Variants in TAF1B observed in about 807,000 individuals in gnomAD.
TAF1B encodes the protein TATA box-binding protein-associated factor RNA polymerase I subunit B.
A neutral mutation model predicts 83.9 loss-of-function variants in TAF1B; 61 were observed. The ratio of observed to expected loss-of-function variants is 0.73; its 90% CI spans 0.59 to 0.90. The LOEUF is 0.90. Among genes scored for constraint, TAF1B ranks in the 40% least tolerant of loss-of-function variants. The probability of loss-of-function intolerance (pLI) is 0.00; values close to 1 mark genes in which losing one functional copy is unlikely to be tolerated. For missense variants in TAF1B, 625 were observed against 677.0 expected, an observed-to-expected ratio of 0.92 and a Z score of 0.85; for synonymous variants, 221 against 224.6, an observed-to-expected ratio of 0.98 and a Z score of 0.14.
At chr2:9,901,088 CAT>C (rs758638903) in intron 8 of TAF1B, among the ~76,000 whole-genome samples, 90 of 151,960 alleles carry the variant, frequency 5.9e-4, no homozygotes, top group African/African-American at 2.2e-3. Context: ...ATGTTGCTAA[CAT>C]ATATTCATCA....
At chr2:9,931,079 T>G (rs1015641568) in intron 14 of TAF1B, among the ~76,000 whole-genome samples, 2 of 152,186 alleles carry the variant, frequency 1.3e-5, no homozygotes. Context: ...GTGAGATGGG[T>G]CTCCTGAATA....
chr2:9,893,512 C>G (rs1367277973), intron 8 of TAF1B, among the ~76,000 whole-genome samples: 4 of 152,126 alleles, frequency 2.6e-5, no homozygotes, highest in African/African-American at 7.2e-5. Context: ...ACCTAAGAAA[C>G]ATTATATAGA....
At chr2:9,847,533 G>A (rs185499409) in intron 2 of TAF1B, among the ~76,000 whole-genome samples, 111 of 152,122 alleles carry the variant, frequency 7.3e-4, no homozygotes, top group African/African-American at 2.6e-3. Context: ...CCCTTTTATT[G>A]CCCCCTCTTC....
intron 11 of TAF1B, 57 bp downstream of exon 11, chr2:9,911,614 A>G: frequency 7.9e-7 from 1 of 1,260,574 alleles, no homozygotes; most frequent in Non-Finnish European, 1.1e-6. Flanking sequence ...AGATTAAAAG[A>G]TGGAATAAAT....
rs1373754601 is a variant in TAF1B, at chr2:9,928,579, C to CT, written c.1566-5202dup. ...CTCCTTGAAGAGATCCTTCACATCC[C>CT]TTGTAAGTTGGATTCCTAGGTATTT... On this transcript the variant is annotated intron_variant, in intron 14 of 14. Transcript: ENST00000263663. Among the ~76,000 whole-genome samples, 3 of 152,136 alleles carry CT rather than the reference C, an allele frequency of 2.0e-5. No individual in the cohort carries two copies. In the East Asian group the frequency reaches 5.8e-4, roughly 29 times the overall value.
At chr2:9,863,774 G>T (rs1663862557) in intron 5 of TAF1B, among the ~76,000 whole-genome samples, 1 of 152,154 alleles carries the variant, frequency 6.6e-6, no homozygotes, top group Admixed American at 6.6e-5. Flanking sequence ...AATCAAACTA[G>T]AACTCAAGAT....
chr2:9,909,734 G>A (rs1665465457), intron 9 of TAF1B, among the ~76,000 whole-genome samples: 1 of 152,162 alleles, frequency 6.6e-6, no homozygotes, highest in Non-Finnish European at 1.5e-5. Context: ...CATTAATTTA[G>A]TCTTCACAAC....
intron 7 of TAF1B, among the ~76,000 whole-genome samples, chr2:9,878,517 T>C (rs1035294317): frequency 4.6e-5 from 7 of 152,220 alleles, no homozygotes; most frequent in African/African-American, 1.7e-4. Context: ...ACACTGTGCA[T>C]GTCACTCCCT....
At chr2:9,845,816 C>G (rs191102645) in intron 2 of TAF1B, 28 of 275,174 alleles carry the variant, frequency 1.0e-4, no homozygotes, top group African/African-American at 6.3e-4. Context: ...AACTCCGTCT[C>G]TACTAAAAAT....
intron 8 of TAF1B, among the ~76,000 whole-genome samples, chr2:9,898,630 G>A (rs1665089869): frequency 6.6e-6 from 1 of 152,166 alleles, no homozygotes; most frequent in East Asian, 1.9e-4. Flanking sequence ...GTCATTGACA[G>A]AGTACAGTGT....
chr2:9,873,071 G>A (rs573731133), intron 6 of TAF1B, among the ~76,000 whole-genome samples: 19 of 152,060 alleles, frequency 1.2e-4, no homozygotes, highest in East Asian at 1.2e-3. Flanking sequence ...TCCTTGACCC[G>A]AAACCTTTGC....
chr2:9,893,707 T>A (rs761028824), intron 8 of TAF1B, among the ~76,000 whole-genome samples: 3 of 151,784 alleles, frequency 2.0e-5, no homozygotes, highest in Non-Finnish European at 4.4e-5. Flanking sequence ...ATCATAACTT[T>A]AAAAAAAAGG....
Position 9,852,781 on chromosome 2 carries a change from A to C in TAF1B, c.303+1143A>C, listed in dbSNP as rs190565201. 3.9e-3 allele frequency among the ~76,000 whole-genome samples: 600 copies of C among 152,298 alleles called. 3 individuals carry two copies. Among genetic ancestry groups the C allele is most frequent in the African/African-American group, 0.013 (559 of 41,560 alleles). On this transcript the variant is annotated intron_variant, in intron 4 of 14. Coordinates refer to ENST00000263663, the MANE Select transcript of TAF1B (RefSeq NM_005680.3). The stretch of plus-strand genomic sequence containing the variant: ...TGCTAGGATTATAGGCATGAGCCCC[A>C]GCACCTGGCCCTCATAAGTGATATT...
At chr2:9,865,718 G>A (rs1250562117) in intron 5 of TAF1B, among the ~76,000 whole-genome samples, 2 of 151,526 alleles carry the variant, frequency 1.3e-5, no homozygotes, top group Non-Finnish European at 3.0e-5. Flanking sequence ...AAACAGCATG[G>A]TACTGGTACC....
intron 7 of TAF1B, among the ~76,000 whole-genome samples, chr2:9,880,819 A>G (rs1413946129): frequency 6.6e-6 from 1 of 152,234 alleles, no homozygotes; most frequent in Non-Finnish European, 1.5e-5. Context: ...AATACTAGGC[A>G]GCTTAAAAAG....
intron 8 of TAF1B, among the ~76,000 whole-genome samples, chr2:9,892,569 T>C (rs1475733311): frequency 1.3e-5 from 2 of 152,184 alleles, no homozygotes; most frequent in Non-Finnish European, 2.9e-5. Flanking sequence ...ATTTTACTTA[T>C]GGGCCCTCTA....
chr2:9,864,358 C>G (rs148462726), intron 5 of TAF1B, among the ~76,000 whole-genome samples: 1 of 152,100 alleles, frequency 6.6e-6, no homozygotes, highest in Non-Finnish European at 1.5e-5. Flanking sequence ...ATAAATTCCT[C>G]GACAAATACA....
At chr2:9,916,839 T>C (rs943063279) in intron 12 of TAF1B, among the ~76,000 whole-genome samples, 3 of 46,296 alleles carry the variant, frequency 6.5e-5, no homozygotes, top group African/African-American at 1.2e-4. Context: ...TTTCTGTTCT[T>C]TTTTTTTTTT....
chr2:9,871,637 A>G (rs1286707658), intron 6 of TAF1B, among the ~76,000 whole-genome samples: 4 of 152,216 alleles, frequency 2.6e-5, no homozygotes, highest in Admixed American at 2.6e-4. Flanking sequence ...TAAAAAGTTG[A>G]TAAAAGGCTT....
Sources: gnomAD v4.1 joint callset for allele counts (sites outside exome capture counted in the v4.1 genomes callset) on GRCh38, gnomAD v4.1.1 for gene constraint, MANE v1.5 for transcripts, NCBI Gene and HGNC (gene_info 2026-07-23, HGNC 2026-07-21) for gene names.